Variants in MTHFD1L observed in about 807,000 individuals in gnomAD.
The protein encoded by MTHFD1L is methylenetetrahydrofolate dehydrogenase (NADP+ dependent) 1 like, also known as monofunctional C1-tetrahydrofolate synthase, mitochondrial.
MTHFD1L carries 81 observed loss-of-function variants against 119.5 expected under a neutral mutation model. The ratio of observed to expected loss-of-function variants is 0.68; its 90% confidence interval spans 0.57 to 0.82. The LOEUF (loss-of-function observed/expected upper bound fraction) is 0.82. Ranked by LOEUF, MTHFD1L falls within the 40% of genes least tolerant of loss-of-function variation. The probability of loss-of-function intolerance (pLI) is 0.00; values close to 1 mark genes in which losing one functional copy is unlikely to be tolerated. For synonymous variants in MTHFD1L, 430 were observed against 475.2 expected (o/e 0.90, Z 1.24); for missense variants, 1,125 against 1,253.4 (o/e 0.90, Z 1.55).
rs368127056 is a variant in MTHFD1L, at chr6:150,960,355, G to C, written c.1884G>C (p.Arg628=). 1.2e-4 allele frequency: 191 copies of C among 1,613,982 alleles called. 1 individual carries two copies. The highest frequency in any genetic ancestry group is 1.6e-4 in the Middle Eastern group (1 of 6,084). The stretch of plus-strand genomic sequence containing the variant: ...ACAGCCTCGCAGACATGAAGGCACG[G>C]CTGGGAAGGATGGTGGTGGCCAGTG... ...LTDSLADMKA[R]LGRMVVASDK... The change falls in exon 18 of 28, where the codon CGG becomes CGC. Residue 628 remains arginine (R), a synonymous_variant. Transcript: ENST00000367321.
intron 19 of MTHFD1L, among the ~76,000 whole-genome samples, chr6:150,968,165 A>G (rs1425652465): frequency 1.3e-5 from 2 of 152,040 alleles, no homozygotes; most frequent in Non-Finnish European, 2.9e-5. Flanking sequence ...ATTGCAGTAC[A>G]TGGCACAGAA....
chr6:150,915,492 G>A (rs1388601219), intron 8 of MTHFD1L, among the ~76,000 whole-genome samples: 2 of 152,190 alleles, frequency 1.3e-5, no homozygotes, highest in African/African-American at 4.8e-5. Flanking sequence ...TGTAAACTTG[G>A]AAGTGAAATA....
chr6:150,939,777 C>T (rs1246368272), intron 13 of MTHFD1L, among the ~76,000 whole-genome samples: 7 of 149,332 alleles, frequency 4.7e-5, no homozygotes, highest in African/African-American at 1.7e-4. Context: ...CTCTGCCTCC[C>T]AGGTTCAAGC....
intron 4 of MTHFD1L, among the ~76,000 whole-genome samples, chr6:150,879,944 A>G (rs1412560816): frequency 3.3e-5 from 5 of 152,062 alleles, no homozygotes; most frequent in African/African-American, 1.2e-4. Context: ...ACTGGTATTA[A>G]TAGCCCTTGA....
At chr6:151,041,315 C>T (rs187242409) in intron 26 of MTHFD1L, among the ~76,000 whole-genome samples, 2 of 152,300 alleles carry the variant, frequency 1.3e-5, no homozygotes, top group Non-Finnish European at 2.9e-5. Context: ...GGCCTTGCCA[C>T]AGTCTGCTGA....
intron 20 of MTHFD1L, among the ~76,000 whole-genome samples, chr6:150,986,187 T>C (rs73616905): frequency 0.013 from 1,940 of 152,316 alleles, 38 homozygotes; most frequent in African/African-American, 0.045. Flanking sequence ...TGATCTTTAC[T>C]CTAAATTCTT....
intron 9 of MTHFD1L, among the ~76,000 whole-genome samples, chr6:150,920,739 CATG>C (rs141277530): frequency 0.089 from 13,479 of 151,910 alleles, 834 homozygotes; most frequent in African/African-American, 0.17. Flanking sequence ...TATCCATGTA[CATG>C]ATGTCTTTTG....
chr6:151,024,715 G>A (rs1784395617), intron 24 of MTHFD1L, among the ~76,000 whole-genome samples: 1 of 152,170 alleles, frequency 6.6e-6, no homozygotes, highest in African/African-American at 2.4e-5. Flanking sequence ...TGTAATTCCA[G>A]CTACTCTGGA....
intron 26 of MTHFD1L, among the ~76,000 whole-genome samples, chr6:151,047,686 G>A (rs1295116732): frequency 2.0e-5 from 3 of 152,164 alleles, no homozygotes; most frequent in Non-Finnish European, 4.4e-5. Flanking sequence ...ATGTTGTAGA[G>A]TGTAGGACCC....
chr6:151,049,082 A>G (rs1788567772), intron 26 of MTHFD1L, among the ~76,000 whole-genome samples: 2 of 152,222 alleles, frequency 1.3e-5, no homozygotes, highest in Admixed American at 6.5e-5. Flanking sequence ...ACAGCCGGGC[A>G]CGGTGGCTCA....
In MTHFD1L at chr6:151,037,071, T is replaced by C; in HGVS notation, c.2801T>C (p.Val934Ala). The change falls in exon 26 of 28, where the codon GTC (valine) becomes GCC (alanine). Residue 934 changes from valine (V) to alanine (A), a missense_variant. Physicochemically the swap from Val to Ala is moderately conservative, Grantham distance 64. This residue lies in a region of MTHFD1L where 61 missense variants were observed against 78.9 expected (regional missense o/e 0.77). Coordinates refer to ENST00000367321, the MANE Select transcript of MTHFD1L (RefSeq NM_015440.5). ...GACTTCATCTTACCTATCAGTGACG[T>C]CCGGGCCAGCATAGGCGCTGGGTTC... Reference protein sequence around the residue: ...PRDFILPISDVRASIGAGFIY... With the variant: ...PRDFILPISDARASIGAGFIY... 1.2e-6 allele frequency: 2 copies of C among 1,611,982 alleles called. No individual in the cohort carries two copies. Among genetic ancestry groups the C allele is most frequent in the Non-Finnish European group, 1.7e-6 (2 of 1,179,854 alleles).
chr6:150,881,476 G>C (rs757795940), intron 4 of MTHFD1L, among the ~76,000 whole-genome samples: 6 of 152,062 alleles, frequency 3.9e-5, no homozygotes, highest in Non-Finnish European at 7.4e-5. Flanking sequence ...AAAAAGAGTA[G>C]GTACCTTAAT....
intron 27 of MTHFD1L, chr6:151,099,596 A>C: frequency 5.0e-6 from 8 of 1,610,086 alleles, no homozygotes; most frequent in Non-Finnish European, 6.8e-6. Flanking sequence ...ATCCGGCACC[A>C]GTCAGACCAT....
chr6:151,047,597 G>A (rs1052839569), intron 26 of MTHFD1L, among the ~76,000 whole-genome samples: 1 of 152,134 alleles, frequency 6.6e-6, no homozygotes, highest in Non-Finnish European at 1.5e-5. Context: ...TTAAGGAAGA[G>A]ACCTACAGCT....
At chr6:150,899,015 T>G (rs1784714691) in intron 7 of MTHFD1L, 2 of 1,007,336 alleles carry the variant, frequency 2.0e-6, no homozygotes, top group Non-Finnish European at 2.4e-6. Flanking sequence ...GCTGCATTTT[T>G]CCTTTTATCA....
At chr6:150,933,325 A>G (rs1366198516) in intron 11 of MTHFD1L, among the ~76,000 whole-genome samples, 3 of 152,166 alleles carry the variant, frequency 2.0e-5, no homozygotes, top group Admixed American at 1.3e-4. Flanking sequence ...TCAGTGCGGT[A>G]CTTAAATGAC....
At chr6:150,873,628 T>C (rs1398819904) in intron 1 of MTHFD1L, among the ~76,000 whole-genome samples, 1 of 152,156 alleles carries the variant, frequency 6.6e-6, no homozygotes, top group Non-Finnish European at 1.5e-5. Context: ...TGCACATTTC[T>C]GGGCTCCACT....
intron 20 of MTHFD1L, among the ~76,000 whole-genome samples, chr6:151,001,111 C>T (rs1780552460): frequency 6.6e-6 from 1 of 152,170 alleles, no homozygotes; most frequent in Non-Finnish European, 1.5e-5. Flanking sequence ...TCTGTGAAAC[C>T]TCTGGCAGTC....
At chr6:150,994,220 A>T (rs963256175) in intron 20 of MTHFD1L, among the ~76,000 whole-genome samples, 3 of 152,084 alleles carry the variant, frequency 2.0e-5, no homozygotes, top group Admixed American at 2.0e-4. Flanking sequence ...GTAGTCCAGG[A>T]TGGTTGCACA....
Sources: allele counts gnomAD v4.1 joint callset (sites outside exome capture counted in the v4.1 genomes callset), GRCh38; gene constraint gnomAD v4.1.1; regional missense constraint gnomAD v4.1.1; transcripts MANE v1.5; gene names NCBI Gene and HGNC (gene_info 2026-07-23, HGNC 2026-07-21).